Variants in CLIP2 observed in about 807,000 individuals in gnomAD.
The protein encoded by CLIP2 is CAP-Gly domain-containing linker protein 2.
A neutral mutation model predicts 111.7 loss-of-function variants in CLIP2; 41 were observed. The observed-to-expected ratio is 0.37, with a 90% CI of 0.29 to 0.48. The LOEUF (loss-of-function observed/expected upper bound fraction) is 0.48, where lower values mean the gene tolerates loss of function less well. Among genes scored for constraint, CLIP2 ranks in the 20% least tolerant of loss-of-function variants. The pLI, the probability that CLIP2 is intolerant of heterozygous loss-of-function variation, is 0.99. For synonymous variants in CLIP2, 660 were observed against 644.2 expected (o/e 1.02, Z -0.37); for missense variants, 1,160 against 1,422.1 (o/e 0.82, Z 2.96).
At chr7:74,318,829 C>T (rs1415036108) in intron 2 of CLIP2, among the ~76,000 whole-genome samples, 10 of 152,146 alleles carry the variant, frequency 6.6e-5, no homozygotes, top group African/African-American at 1.9e-4. Context: ...TAGGTCACTG[C>T]CCATCTTATC....
chr7:74,396,992 G>A, intron 13 of CLIP2, 82 bp from the exon 14 acceptor site: 1 of 1,545,482 alleles, frequency 6.5e-7, no homozygotes, highest in Non-Finnish European at 8.8e-7. Context: ...GTCAGCCCCT[G>A]GACACTTGGC....
At chr7:74,392,776 C>T (rs2116697337) in intron 13 of CLIP2, among the ~76,000 whole-genome samples, 1 of 152,262 alleles carries the variant, frequency 6.6e-6, no homozygotes, top group African/African-American at 2.4e-5. Flanking sequence ...CAAGATCGTG[C>T]CATTGCACTC....
chr7:74,305,929 CT>C (rs1788474913), intron 1 of CLIP2, among the ~76,000 whole-genome samples: 1 of 142,366 alleles, frequency 7.0e-6, no homozygotes, highest in African/African-American at 2.6e-5. Context: ...GTGTGCTTGT[CT>C]GATTGTGGGG....
At chr7:74,390,801 A>G (rs953911566) in intron 13 of CLIP2, among the ~76,000 whole-genome samples, 3 of 151,842 alleles carry the variant, frequency 2.0e-5, no homozygotes, top group African/African-American at 4.8e-5. Flanking sequence ...TAATCCCAGC[A>G]CTTTGGGAGG....
chr7:74,390,134 G>GAA (rs1554315550), intron 13 of CLIP2, among the ~76,000 whole-genome samples: 13 of 103,282 alleles, frequency 1.3e-4, no homozygotes, highest in African/African-American at 2.7e-4. Flanking sequence ...GAGAGAGAGA[G>GAA]AGAAAGAAAG....
Position 74,376,122 on chromosome 7 carries a change from A to C in CLIP2, c.1721A>C (p.Tyr574Ser). 6.2e-7 allele frequency: 1 copy of C among 1,610,072 alleles called. No homozygotes were observed. The highest frequency in any genetic ancestry group is 8.5e-7 in the Non-Finnish European group (1 of 1,178,056). ...RDKYEKALKA[Y>S]QAEVDKLRAA... ...AAATACGAGAAGGCCCTGAAGGCCTACCAGGCGGAGGTGGACAAGCTCCGC... is the reference window on the plus strand; with the variant it reads ...AAATACGAGAAGGCCCTGAAGGCCTCCCAGGCGGAGGTGGACAAGCTCCGC... The change falls in exon 10 of 17, where the codon TAC (tyrosine) becomes TCC (serine). Residue 574 changes from tyrosine (Y) to serine (S), a missense_variant. Physicochemically the swap from Tyr to Ser is moderately radical, Grantham distance 144. This residue lies in a region of CLIP2 where 676 missense variants were observed against 777.8 expected (regional missense o/e 0.87). Transcript: ENST00000223398. The surrounding 1 kb of genome is among the most constrained non-coding windows in gnomAD (Gnocchi z 7.1).
At chr7:74,374,234 A>G (rs1790714944) in intron 9 of CLIP2, among the ~76,000 whole-genome samples, 1 of 152,260 alleles carries the variant, frequency 6.6e-6, no homozygotes. Context: ...GGCTGTGTGC[A>G]TGTGTGCAGG....
At chr7:74,330,344 C>A (rs1789245667) in intron 2 of CLIP2, among the ~76,000 whole-genome samples, 1 of 151,518 alleles carries the variant, frequency 6.6e-6, no homozygotes, top group Non-Finnish European at 1.5e-5. Context: ...GCAATCTCCA[C>A]CTCCTAAGTT....
intron 8 of CLIP2, among the ~76,000 whole-genome samples, chr7:74,372,300 G>A (rs946471381): frequency 4.0e-5 from 6 of 151,230 alleles, no homozygotes; most frequent in Non-Finnish European, 7.4e-5. Context: ...GGCACAGCCC[G>A]GCCTCCACCA....
rs145128848 is a variant in CLIP2 at position 74,370,716 on chromosome 7, C to G, written c.1381-2216C>G. The stretch of plus-strand genomic sequence containing the variant: ...CCACAAGCTGTGTCCTGCCTCTGAG[C>G]TTTTGTACACGCTAGTTCCCCGGCC... On this transcript the variant is annotated intron_variant, in intron 8 of 16. Transcript: ENST00000223398. 8.9e-3 allele frequency among the ~76,000 whole-genome samples: 1,353 copies of G among 151,836 alleles called. 14 individuals are homozygous for G. The highest frequency in any genetic ancestry group is 0.016 in the Non-Finnish European group (1,094 of 67,968).
chr7:74,399,805 G>T (rs80346015), intron 14 of CLIP2, among the ~76,000 whole-genome samples: 27,170 of 151,522 alleles, frequency 0.18, 2,602 homozygotes, highest in East Asian at 0.38. Context: ...CTCCCAAAGT[G>T]CTGGGATTAC....
At chr7:74,375,837 T>TCCAG (rs558176511) in intron 9 of CLIP2, 50 bp from the exon 10 acceptor site, 11 of 1,444,780 alleles carry the variant, frequency 7.6e-6, no homozygotes, top group East Asian at 2.5e-5. Context: ...CTCCTTACCT[T>TCCAG]CCAGCCAGCC....
rs557831596 is a variant in CLIP2 at position 74,376,593 on chromosome 7, G to A, written c.2192G>A (p.Arg731His). ...AQDQRRDAEL[R>H]VHELEKLDVE... ...GACCAGCGCCGGGATGCCGAGCTGC[G>A]TGTGCACGAGCTGGAAAAACTGGAC... is the stretch of plus-strand genomic sequence containing the variant. Residue 731 changes from arginine to histidine, a missense_variant, in exon 10 of 17, where the codon CGT (arginine) becomes CAT (histidine). Around this residue, in one of 5 missense-constraint regions of CLIP2, gnomAD observed 676 missense variants for 777.8 expected, o/e 0.87. Transcript: ENST00000223398. The surrounding 1 kb of genome is among the most constrained non-coding windows in gnomAD (Gnocchi z 7.1). 21 of 1,612,380 alleles carry A rather than the reference G, an allele frequency of 1.3e-5. No homozygotes were observed. In the East Asian group the frequency reaches 1.6e-4, roughly 12 times the overall value.
At chr7:74,305,781 A>C (rs1445982556) in intron 1 of CLIP2, among the ~76,000 whole-genome samples, 17 of 148,318 alleles carry the variant, frequency 1.1e-4, no homozygotes, top group African/African-American at 3.6e-4. Flanking sequence ...GACATGAGTC[A>C]CCGCACCCGG....
At chr7:74,373,601 C>A (rs1331148926) in intron 9 of CLIP2, among the ~76,000 whole-genome samples, 2 of 152,106 alleles carry the variant, frequency 1.3e-5, no homozygotes, top group Non-Finnish European at 2.9e-5. Flanking sequence ...GACTTGGCTC[C>A]CCAGCTTATT....
intron 14 of CLIP2, among the ~76,000 whole-genome samples, chr7:74,399,444 G>A (rs1158099561): frequency 6.6e-6 from 1 of 151,512 alleles, no homozygotes; most frequent in Non-Finnish European, 1.5e-5. Context: ...AGGCTGAGGT[G>A]GGAGGATCAC....
chr7:74,383,359 T>C (rs1790998761), intron 11 of CLIP2, among the ~76,000 whole-genome samples: 1 of 152,192 alleles, frequency 6.6e-6, no homozygotes, highest in African/African-American at 2.4e-5. Flanking sequence ...TGTAATTGAC[T>C]CTATTTCTGG....
chr7:74,335,829 G>A (rs1336338754), intron 2 of CLIP2, among the ~76,000 whole-genome samples: 2 of 149,258 alleles, frequency 1.3e-5, no homozygotes, highest in African/African-American at 4.9e-5. Context: ...TGCAACCTCC[G>A]ACTTCCGGGT....
chr7:74,395,163 C>CTT (rs1298999687), intron 13 of CLIP2, among the ~76,000 whole-genome samples: 2 of 146,480 alleles, frequency 1.4e-5, no homozygotes, highest in Non-Finnish European at 1.5e-5. Context: ...TTTTCTTCTT[C>CTT]TTTTTTTTTT....
Sources: allele counts gnomAD v4.1 joint callset (sites outside exome capture counted in the v4.1 genomes callset), GRCh38; gene constraint gnomAD v4.1.1; regional missense constraint gnomAD v4.1.1; non-coding constraint Gnocchi (gnomAD v3.1); transcripts MANE v1.5; gene names NCBI Gene and HGNC (gene_info 2026-07-23, HGNC 2026-07-21).